AMN1: variants seen among roughly 807,000 people sequenced by gnomAD.
The protein encoded by AMN1 is antagonist of mitotic exit network 1 homolog.
A neutral mutation model predicts 33.0 loss-of-function variants in AMN1; 20 were observed. The ratio of observed to expected loss-of-function variants is 0.61; its 90% confidence interval spans 0.43 to 0.88. AMN1 has a LOEUF of 0.88. Among genes scored for constraint, AMN1 ranks in the 40% least tolerant of loss-of-function variants. The pLI, the probability that AMN1 is intolerant of heterozygous loss-of-function variation, is 0.00. For synonymous variants in AMN1, 114 were observed against 111.9 expected (o/e 1.02, Z -0.12); for missense variants, 246 against 307.4 (o/e 0.80, Z 1.49).
rs79436197 is a variant in AMN1, at chr12:31,687,015, C to A, written c.703+1992G>T. Among the ~76,000 whole-genome samples the A allele has an allele frequency of 6.6e-6, 1 of 151,290 alleles. No homozygotes were observed. Among genetic ancestry groups the A allele is most frequent in the Non-Finnish European group, 1.5e-5 (1 of 67,772 alleles). On this transcript the variant is annotated intron_variant, in intron 6 of 6. Coordinates refer to ENST00000281471, the MANE Select transcript of AMN1 (RefSeq NM_001113402.2). The surrounding 1 kb of genome is among the most constrained non-coding windows in gnomAD (Gnocchi z 4.1). Reference sequence around the variant, plus strand: ...TTAACAGTTTCTTTTTTTCTTTTTTCTTTTTCTTTTTTTGACACAGGGTCT... The same window carrying A: ...TTAACAGTTTCTTTTTTTCTTTTTTATTTTTCTTTTTTTGACACAGGGTCT...
chr12:31,702,149 A>C, intron 2 of AMN1, 142 bp from the exon 3 acceptor site: 1 of 747,736 alleles, frequency 1.3e-6, no homozygotes, highest in South Asian at 2.0e-5. Flanking sequence ...ATCCATGTGC[A>C]GACAGACACA....
rs754299330 is a variant in AMN1, at chr12:31,688,988, A to G, written c.703+19T>C. Reference sequence around the variant, plus strand: ...AAGATGAAGCCAGAATTTGAACCCAAGCAATCTATTGCACTAACCTGTTAT... The same window carrying G: ...AAGATGAAGCCAGAATTTGAACCCAGGCAATCTATTGCACTAACCTGTTAT... On this transcript the variant is annotated intron_variant, in intron 6 of 6. Coordinates refer to ENST00000281471, the MANE Select transcript of AMN1 (RefSeq NM_001113402.2). The G allele has an allele frequency of 4.5e-6, 7 of 1,539,714 alleles. No individual in the cohort carries two copies. The Admixed American group carries it at 1.2e-4, about 27-fold the overall frequency.
Position 31,680,192 on chromosome 12 carries a change from ATTTTC to A in AMN1, c.704-7820_704-7816del, listed in dbSNP as rs375237161. The stretch of plus-strand genomic sequence containing the variant: ...CTGTTGTAACATCTATAAAACTATA[ATTTTC>A]TTTTCTTTTCTTTTCTTTTGAGATG... On this transcript the variant is annotated intron_variant, in intron 6 of 6. Transcript: ENST00000281471. Among the ~76,000 whole-genome samples, 1,451 of 150,932 alleles carry A rather than the reference ATTTTC, an allele frequency of 9.6e-3. 20 individuals are homozygous for A. The highest frequency in any genetic ancestry group is 0.033 in the African/African-American group (1,357 of 41,126).
intron 1 of AMN1, among the ~76,000 whole-genome samples, chr12:31,710,530 TCTTA>T (rs1411110405): frequency 2.0e-5 from 3 of 148,196 alleles, no homozygotes; most frequent in African/African-American, 2.5e-5. Flanking sequence ...ATATATTCTT[TCTTA>T]TTTTTCTCTG....
At chr12:31,692,864 CTT>C (rs1223883476) in intron 5 of AMN1, among the ~76,000 whole-genome samples, 1 of 151,884 alleles carries the variant, frequency 6.6e-6, no homozygotes, top group Non-Finnish European at 1.5e-5. Flanking sequence ...ATTAAAGAAA[CTT>C]ATGAAATGAC....
At chr12:31,721,937 C>T (rs2139730843) in intron 1 of AMN1, among the ~76,000 whole-genome samples, 1 of 152,328 alleles carries the variant, frequency 6.6e-6, no homozygotes, top group African/African-American at 2.4e-5. Context: ...TGTAACAACA[C>T]ACTGCACATA....
At chr12:31,721,004 G>A (rs1456493416) in intron 1 of AMN1, among the ~76,000 whole-genome samples, 1 of 152,200 alleles carries the variant, frequency 6.6e-6, no homozygotes, top group Non-Finnish European at 1.5e-5. Context: ...GGAAGCCAAC[G>A]TGGGAATATC....
At chr12:31,692,887 G>C (rs77589513) in intron 5 of AMN1, among the ~76,000 whole-genome samples, 1 of 152,004 alleles carries the variant, frequency 6.6e-6, no homozygotes, top group Non-Finnish European at 1.5e-5. Context: ...TGTAATATAA[G>C]GCTAAGAATG....
chr12:31,720,459 G>A (rs1265732848), intron 1 of AMN1, among the ~76,000 whole-genome samples: 1 of 151,562 alleles, frequency 6.6e-6, no homozygotes, highest in Non-Finnish European at 1.5e-5. Flanking sequence ...AAAATCGCTT[G>A]AACCATGGAG....
chr12:31,686,789 T>C (rs2139668659), intron 6 of AMN1, among the ~76,000 whole-genome samples: 1 of 152,290 alleles, frequency 6.6e-6, no homozygotes, highest in East Asian at 1.9e-4. Flanking sequence ...TTTGCACCAT[T>C]GTAAAGTCGA....
chr12:31,676,539 G>C (rs1057131059), intron 6 of AMN1, among the ~76,000 whole-genome samples: 2 of 150,678 alleles, frequency 1.3e-5, no homozygotes, highest in Admixed American at 6.6e-5. Flanking sequence ...AGCCAGGATG[G>C]TCTCGATCTC....
chr12:31,715,514 T>C, intron 1 of AMN1: 1 of 174,040 alleles, frequency 5.7e-6, no homozygotes, highest in Non-Finnish European at 1.3e-5. Context: ...TCACTGAAGC[T>C]GTTCTTTTAT....
rs375626336 is a variant in AMN1 at position 31,708,868 on chromosome 12, CT to C, written c.171+424del. 1.4e-3 allele frequency: 386 copies of C among 285,450 alleles called. 1 individual carries two copies. The highest frequency in any genetic ancestry group is 2.8e-3 in the South Asian group (88 of 31,658). 17.7% of individuals were successfully genotyped at this position (285,450 alleles called of 1,614,324 possible). A position where few individuals can be genotyped will look rare whatever the true frequency, so the allele number is the denominator to read the frequency against. On this transcript the variant is annotated intron_variant, in intron 2 of 6. Transcript: ENST00000281471. ...TTATCTGGAGGGAAAAAAACAAACC[CT>C]TATACTTTATAATATTCTAAAATGT...
At chr12:31,710,072 T>A (rs1048187125) in intron 1 of AMN1, among the ~76,000 whole-genome samples, 1 of 152,216 alleles carries the variant, frequency 6.6e-6, no homozygotes, top group African/African-American at 2.4e-5. Flanking sequence ...TTGAAAAGTT[T>A]TATCTGTTAA....
chr12:31,728,939 G>A, intron 1 of AMN1, 32 bp downstream of exon 1: 1 of 1,539,262 alleles, frequency 6.5e-7, no homozygotes, highest in Non-Finnish European at 8.8e-7. Context: ...TGCTGGGGCG[G>A]CGCGAAGGGA....
chr12:31,710,656 A>G (rs952839686), intron 1 of AMN1, among the ~76,000 whole-genome samples: 1 of 151,862 alleles, frequency 6.6e-6, no homozygotes, highest in Non-Finnish European at 1.5e-5. Context: ...ACTTTTATAC[A>G]CTGTCTTTCA....
intron 3 of AMN1, among the ~76,000 whole-genome samples, chr12:31,700,128 C>A (rs1938926024): frequency 6.7e-6 from 1 of 149,050 alleles, no homozygotes. Flanking sequence ...TCTAAGAGGC[C>A]AAAAAAGTCC....
intron 6 of AMN1, among the ~76,000 whole-genome samples, chr12:31,686,896 CAT>C (rs1488684190): frequency 5.3e-5 from 8 of 152,200 alleles, no homozygotes; most frequent in South Asian, 2.1e-4. Context: ...AAATAATCCA[CAT>C]GATATAAAAT....
intron 2 of AMN1, among the ~76,000 whole-genome samples, chr12:31,707,752 G>A (rs1014403806): frequency 6.6e-6 from 1 of 152,104 alleles, no homozygotes; most frequent in Non-Finnish European, 1.5e-5. Context: ...CCACGACTCT[G>A]GTTGACACAA....
Sources: gnomAD v4.1 joint callset for allele counts (sites outside exome capture counted in the v4.1 genomes callset) on GRCh38, gnomAD v4.1.1 for gene constraint, Gnocchi (gnomAD v3.1) non-coding constraint, MANE v1.5 for transcripts, NCBI Gene and HGNC (gene_info 2026-07-23, HGNC 2026-07-21) for gene names.